UBE2D3: variants seen among roughly 807,000 people sequenced by gnomAD.
UBE2D3 encodes the protein ubiquitin-conjugating enzyme E2 D3.
In UBE2D3, 2 loss-of-function variants were observed where a neutral mutation model predicts 22.8. The ratio of observed to expected loss-of-function variants is 0.09; its 90% CI spans 0.04 to 0.28. UBE2D3 has a LOEUF of 0.28. Ranked by LOEUF, UBE2D3 falls within the 10% of genes least tolerant of loss-of-function variation. The pLI is 1.00. For synonymous variants in UBE2D3, 56 were observed against 60.4 expected, an observed-to-expected ratio of 0.93 and a Z score of 0.34; for missense variants, 27 against 182.5, an observed-to-expected ratio of 0.15 and a Z score of 4.91.
chr4:102,852,646 T>C (rs373006268), intron 1 of UBE2D3, among the ~76,000 whole-genome samples: 5 of 152,220 alleles, frequency 3.3e-5, no homozygotes, highest in African/African-American at 1.2e-4. Context: ...TAATTCATTC[T>C]GCTGTTTTCC....
intron 6 of UBE2D3, 102 bp from the exon 7 acceptor site, chr4:102,799,602 TTA>T (rs1441040770): frequency 1.3e-6 from 1 of 780,588 alleles, no homozygotes; most frequent in Non-Finnish European, 2.0e-6. Flanking sequence ...AAGACTTTTA[TTA>T]GTTTGTATCT....
chr4:102,826,521 T>C lies in UBE2D3; in HGVS notation c.-13A>G, dbSNP rs774059149. ...GTTTCAGCGCCATAGTGTGTGCTTG[T>C]CGTCTGGCTCCTCACTCTCTCGGTG... On this transcript the variant is annotated 5_prime_UTR_variant, in exon 2 of 8. Transcript: ENST00000453744. The C allele has an allele frequency of 3.7e-6, 6 of 1,613,350 alleles. No homozygotes were observed. The highest frequency in any genetic ancestry group is 3.3e-5 in the South Asian group (3 of 91,052).
intron 1 of UBE2D3, among the ~76,000 whole-genome samples, chr4:102,858,554 CGTTTAAA>C (rs985779171): frequency 1.3e-5 from 2 of 151,466 alleles, no homozygotes; most frequent in African/African-American, 2.4e-5. Flanking sequence ...CACAAGGTGT[CGTTTAAA>C]GTTTAAAGTC....
chr4:102,795,209 G>A lies in UBE2D3; in HGVS notation c.*2206C>T, dbSNP rs1725150958. 1 of 151,966 alleles carries A rather than the reference G, an allele frequency of 6.6e-6. No individual in the cohort carries two copies. The highest frequency in any genetic ancestry group is 1.5e-5 in the Non-Finnish European group (1 of 67,910). 9.4% of individuals were successfully genotyped at this position (151,966 alleles called of 1,614,324 possible). ...ACTGGACACATCCACTAATTGTTATGACAATCAAAGAAGTCATCTCCGTAA... is the reference window on the plus strand; with the variant it reads ...ACTGGACACATCCACTAATTGTTATAACAATCAAAGAAGTCATCTCCGTAA... On this transcript the variant is annotated 3_prime_UTR_variant, in exon 8 of 8. Coordinates refer to ENST00000453744, the MANE Select transcript of UBE2D3 (RefSeq NM_181891.3).
At chr4:102,800,419 T>A (rs1359941928) in intron 6 of UBE2D3, among the ~76,000 whole-genome samples, 1 of 152,050 alleles carries the variant, frequency 6.6e-6, no homozygotes, top group Non-Finnish European at 1.5e-5. Flanking sequence ...TAGCAAAGTA[T>A]GGCTGCCAAA....
chr4:102,825,819 G>A (rs1730373474), intron 2 of UBE2D3: 3 of 454,678 alleles, frequency 6.6e-6, no homozygotes, highest in South Asian at 3.1e-5. Context: ...ATCAGTTCCC[G>A]GTGTCCCTCG....
chr4:102,827,495 G>C lies in UBE2D3; in HGVS notation c.-197C>G. 1 of 985,918 alleles carries C rather than the reference G, an allele frequency of 1.0e-6. No individual in the cohort carries two copies. Among genetic ancestry groups the C allele is most frequent in the South Asian group, 4.7e-5 (1 of 21,320 alleles). 61.1% of individuals were successfully genotyped at this position (985,918 alleles called of 1,614,324 possible). A position where few individuals can be genotyped will look rare whatever the true frequency, so the allele number is the denominator to read the frequency against. On this transcript the variant is annotated 5_prime_UTR_variant, in exon 1 of 8. Coordinates refer to ENST00000453744, the MANE Select transcript of UBE2D3 (RefSeq NM_181891.3). ...CCCGCGCGGCAGCTGGTGCCTCCCC[G>C]GCCCTACGGGGCTCACGCGCACGAC... is the stretch of plus-strand genomic sequence containing the variant.
rs1259790589 is a variant in UBE2D3 at position 102,868,580 on chromosome 4, G to A, written c.-129+135C>T. ...TTAAGCCTGGCCTTTGGGTGAAGGA[G>A]TAAAATTAGGCACTGGGGTCTGGGT... On this transcript the variant is annotated intron_variant, in intron 1 of 7. Coordinates refer to the UBE2D3 transcript ENST00000338145. 4.4e-5 allele frequency: 49 copies of A among 1,106,728 alleles called. No homozygotes were observed. The East Asian group carries it at 1.1e-3, about 26-fold the overall frequency. The allele number at this position is 1,106,728 out of a possible 1,614,324, so 68.6% of individuals were successfully genotyped here.
In UBE2D3 at chr4:102,801,572, C is replaced by G. The variant is rs1726152681; in HGVS notation, c.199-13G>C. On this transcript the variant is annotated splice_polypyrimidine_tract_variant and intron_variant, in intron 5 of 7. Coordinates refer to ENST00000453744, the MANE Select transcript of UBE2D3 (RefSeq NM_181891.3). ...TTGTAAATGCAACCTAAAACAAAAA[C>G]TTTTAAGTATTTTATTCAAATAAAA... is the stretch of plus-strand genomic sequence containing the variant. 6.4e-7 allele frequency: 1 copy of G among 1,565,626 alleles called. No individual in the cohort carries two copies. Among genetic ancestry groups the G allele is most frequent in the Non-Finnish European group, 8.7e-7 (1 of 1,149,922 alleles).
intron 1 of UBE2D3, among the ~76,000 whole-genome samples, chr4:102,865,449 G>A (rs139238403): frequency 0.012 from 1,741 of 145,272 alleles, 24 homozygotes; most frequent in African/African-American, 0.036. Flanking sequence ...CTGAGATCGC[G>A]CCATTGCACT....
intron 1 of UBE2D3, among the ~76,000 whole-genome samples, chr4:102,857,955 G>A (rs971533982): frequency 2.0e-5 from 3 of 151,906 alleles, no homozygotes; most frequent in African/African-American, 7.2e-5. Flanking sequence ...GCCTCCCAAA[G>A]TGCTGGGGTT....
upstream of UBE2D3, among the ~76,000 whole-genome samples, chr4:102,831,945 T>C (rs1731137910): frequency 6.6e-6 from 1 of 152,136 alleles, no homozygotes; most frequent in African/African-American, 2.4e-5. Context: ...TTAAAAAACA[T>C]CGAATTACTA....
At chr4:102,807,508 C>T (rs2110274467) in intron 4 of UBE2D3, among the ~76,000 whole-genome samples, 1 of 152,254 alleles carries the variant, frequency 6.6e-6, no homozygotes, top group East Asian at 1.9e-4. Flanking sequence ...AAACATATTT[C>T]AGTGAGTACT....
In UBE2D3 at chr4:102,835,599, A is replaced by T. The variant is rs148338448; in HGVS notation, c.-128-8963T>A. On this transcript the variant is annotated intron_variant, in intron 1 of 7. Transcript: ENST00000338145. ...ATGTGCTTTTTGGCTGCCCAAAGAAACTATTTCAGTTTAACCCTGAAAGAA... is the reference window on the plus strand; with the variant it reads ...ATGTGCTTTTTGGCTGCCCAAAGAATCTATTTCAGTTTAACCCTGAAAGAA... Among the ~76,000 whole-genome samples, 18 of 152,338 alleles carry T rather than the reference A, an allele frequency of 1.2e-4. No homozygotes were observed. In the East Asian group the frequency reaches 3.5e-3, roughly 29 times the overall value.
chr4:102,864,481 T>C (rs1733055018), intron 1 of UBE2D3, among the ~76,000 whole-genome samples: 1 of 126,888 alleles, frequency 7.9e-6, no homozygotes, highest in East Asian at 2.3e-4. Context: ...ACCAGTAAAA[T>C]TGCTGAATTT....
chr4:102,828,657 C>G (rs1312944824), upstream of UBE2D3, among the ~76,000 whole-genome samples: 1 of 152,186 alleles, frequency 6.6e-6, no homozygotes, highest in Non-Finnish European at 1.5e-5. Flanking sequence ...TGTTTCAGTT[C>G]TTGAGCCAGA....
chr4:102,849,034 A>G (rs915983549), intron 1 of UBE2D3, among the ~76,000 whole-genome samples: 1 of 151,566 alleles, frequency 6.6e-6, no homozygotes, highest in African/African-American at 2.4e-5. Flanking sequence ...AAATCACCAT[A>G]TCTTTAGAGT....
In UBE2D3 at chr4:102,835,100, T is replaced by C. The variant is rs868455709; in HGVS notation, c.-128-8464A>G. ...CTAATGAATATAAAATATTTTAAAT[T>C]ATAATGAAGAAGCCTCATTATGAGT... On this transcript the variant is annotated intron_variant, in intron 1 of 7. Coordinates refer to the UBE2D3 transcript ENST00000338145. 4.6e-5 allele frequency among the ~76,000 whole-genome samples: 7 copies of C among 152,172 alleles called. No homozygotes were observed. In the South Asian group the frequency reaches 1.4e-3, roughly 31 times the overall value.
At chr4:102,844,362 G>A (rs1731929183) in intron 1 of UBE2D3, among the ~76,000 whole-genome samples, 1 of 152,170 alleles carries the variant, frequency 6.6e-6, no homozygotes, top group African/African-American at 2.4e-5. Context: ...ACAGGCATGA[G>A]CCACTGTGCC....
Sources: gnomAD v4.1 joint callset for allele counts (sites outside exome capture counted in the v4.1 genomes callset) on GRCh38, gnomAD v4.1.1 for gene constraint, MANE v1.5 for transcripts, NCBI Gene and HGNC (gene_info 2026-07-23, HGNC 2026-07-21) for gene names.